Variants in HMGCLL1 observed in about 807,000 individuals in gnomAD.
The protein encoded by HMGCLL1 is 3-hydroxy-3-methylglutaryl-CoA lyase like 1.
Under a neutral mutation model 39.1 loss-of-function variants are expected in HMGCLL1, and 36 were observed. The observed-to-expected ratio is 0.92, with a 90% confidence interval of 0.71 to 1.22. HMGCLL1 has a LOEUF of 1.22. Ranked by LOEUF, HMGCLL1 falls within the 50% of genes most tolerant of loss-of-function variation. The probability of loss-of-function intolerance (pLI) is 0.00; values close to 1 mark genes in which losing one functional copy is unlikely to be tolerated. For missense variants in HMGCLL1, 451 were observed against 416.5 expected, an observed-to-expected ratio of 1.08 and a Z score of -0.72; for synonymous variants, 149 against 144.0, an observed-to-expected ratio of 1.03 and a Z score of -0.25.
At chr6:55,605,703 G>A in the HMGCLL1 span, among the ~76,000 whole-genome samples, 1 of 152,030 alleles carries the variant, frequency 6.6e-6, no homozygotes. Context: ...TTCTAAGATT[G>A]ATGGTTTTCT....
At chr6:55,477,097 C>A (rs1765330262) in intron 7 of HMGCLL1, among the ~76,000 whole-genome samples, 2 of 89,728 alleles carry the variant, frequency 2.2e-5, no homozygotes, top group African/African-American at 4.1e-5. Flanking sequence ...ACATGTACCC[C>A]AGAACTTAGA....
intron 1 of HMGCLL1, among the ~76,000 whole-genome samples, chr6:55,544,040 C>T (rs1769807334): frequency 6.6e-6 from 1 of 152,018 alleles, no homozygotes. Flanking sequence ...TTCTCTAGGT[C>T]ACACAGCACA....
chr6:55,646,337 A>T, the HMGCLL1 span, among the ~76,000 whole-genome samples: 5 of 151,474 alleles, frequency 3.3e-5, no homozygotes, highest in African/African-American at 1.2e-4. Context: ...TCTTTTCAAC[A>T]AACTTTTTAT....
chr6:55,614,302 A>G, the HMGCLL1 span, among the ~76,000 whole-genome samples: 1 of 152,202 alleles, frequency 6.6e-6, no homozygotes, highest in East Asian at 1.9e-4. Flanking sequence ...GGTATTAGTG[A>G]CCTAATAAGA....
intron 7 of HMGCLL1, among the ~76,000 whole-genome samples, chr6:55,452,795 T>C (rs555715018): frequency 6.4e-4 from 98 of 152,336 alleles, no homozygotes; most frequent in African/African-American, 2.2e-3. Flanking sequence ...CTGAGTTGGC[T>C]ACTGTTGCTG....
intron 1 of HMGCLL1, among the ~76,000 whole-genome samples, chr6:55,572,534 C>G (rs1200101677): frequency 6.6e-6 from 1 of 151,668 alleles, no homozygotes; most frequent in African/African-American, 2.4e-5. Flanking sequence ...TTCTTCATAC[C>G]AAAAACCATT....
At chr6:55,664,735 T>C in the HMGCLL1 span, among the ~76,000 whole-genome samples, 1 of 151,790 alleles carries the variant, frequency 6.6e-6, no homozygotes, top group South Asian at 2.1e-4. Context: ...ATTCAATTTG[T>C]TAGTCAGGCT....
At chr6:55,650,076 T>TATATATAC in the HMGCLL1 span, among the ~76,000 whole-genome samples, 33 of 97,062 alleles carry the variant, frequency 3.4e-4, 1 homozygote, top group African/African-American at 1.1e-3. Context: ...TATATATATA[T>TATATATAC]ACACACACAT....
At chr6:55,445,359 A>G (rs182201017) in intron 7 of HMGCLL1, among the ~76,000 whole-genome samples, 11 of 152,152 alleles carry the variant, frequency 7.2e-5, no homozygotes, top group African/African-American at 2.6e-4. Context: ...CTTCACATCT[A>G]CTACCTTATT....
intron 7 of HMGCLL1, among the ~76,000 whole-genome samples, chr6:55,474,138 G>T (rs183033452): frequency 7.7e-4 from 117 of 151,518 alleles, no homozygotes; most frequent in African/African-American, 2.7e-3. Flanking sequence ...CGGATCTATG[G>T]GTTCATGGCT....
intron 1 of HMGCLL1, chr6:55,577,235 G>A: frequency 6.5e-7 from 1 of 1,533,774 alleles, no homozygotes; most frequent in Non-Finnish European, 8.8e-7. Flanking sequence ...ATTACGATAA[G>A]ATAGAAAAAA....
chr6:55,542,099 T>G lies in HMGCLL1; in HGVS notation c.150A>C (p.Ile50=). The G allele has an allele frequency of 6.2e-7, 1 of 1,611,380 alleles. No homozygotes were observed. Among genetic ancestry groups the G allele is most frequent in the Admixed American group, 1.7e-5 (1 of 59,860 alleles). Residue 50 remains isoleucine (I), a synonymous_variant, in exon 2 of 9, where the codon ATA becomes ATC. Coordinates refer to ENST00000274901, the MANE Select transcript of HMGCLL1 (RefSeq NM_001042406.2). ...ATCCATCCCTAGGCCCAACTTCTAC[T>G]ATTTTAACAAACTCAGGGAGTCCAG... ...QLSGLPEFVK[I]VEVGPRDGLQ... is the part of the protein sequence containing the mutation.
chr6:55,516,358 T>C lies in HMGCLL1; in HGVS notation c.393+150A>G, dbSNP rs1444017103. ...ACCACTTTAGTCCCCAACAATGCTG[T>C]GAGGACTTGGAGCTCTATGTCTTCA... On this transcript the variant is annotated intron_variant, in intron 4 of 8. Coordinates refer to ENST00000274901, the MANE Select transcript of HMGCLL1 (RefSeq NM_001042406.2). 8 of 453,764 alleles carry C rather than the reference T, an allele frequency of 1.8e-5. No individual in the cohort carries two copies. In the East Asian group the frequency reaches 2.2e-4, roughly 12 times the overall value. The allele number at this position is 453,764 out of a possible 1,614,324, so 28.1% of individuals were successfully genotyped here. A position where few individuals can be genotyped will look rare whatever the true frequency, so the allele number is the denominator to read the frequency against.
At chr6:55,632,892 T>A in the HMGCLL1 span, among the ~76,000 whole-genome samples, 1 of 152,094 alleles carries the variant, frequency 6.6e-6, no homozygotes, top group Admixed American at 6.6e-5. Flanking sequence ...TTTTATTGAC[T>A]GGCTGGGGAT....
At chr6:55,489,886 C>T (rs1479629202) in intron 7 of HMGCLL1, among the ~76,000 whole-genome samples, 1 of 152,038 alleles carries the variant, frequency 6.6e-6, no homozygotes, top group East Asian at 1.9e-4. Context: ...TCTAGTGTAA[C>T]AGAATTCTTT....
chr6:55,655,114 TTC>T, the HMGCLL1 span, among the ~76,000 whole-genome samples: 1 of 152,018 alleles, frequency 6.6e-6, no homozygotes, highest in Admixed American at 6.6e-5. Context: ...TCATTTGTAT[TTC>T]TCTGTTTCCC....
Position 55,550,991 on chromosome 6 carries a change from T to C in HMGCLL1, c.109-8851A>G, listed in dbSNP as rs138968620. ...AATTAGCTTTGGTTAGCTGCTTCAA[T>C]GTAAAAGTCATGATCCCTTGCCTAG... is the stretch of plus-strand genomic sequence containing the variant. On this transcript the variant is annotated intron_variant, in intron 1 of 8. Transcript: ENST00000274901. Among the ~76,000 whole-genome samples, 554 of 149,662 alleles carry C rather than the reference T, an allele frequency of 3.7e-3. 13 individuals are homozygous for C. The highest frequency in any genetic ancestry group is 0.013 in the African/African-American group (533 of 40,098).
intron 7 of HMGCLL1, among the ~76,000 whole-genome samples, chr6:55,449,813 A>G (rs1466661437): frequency 6.6e-6 from 1 of 152,200 alleles, no homozygotes; most frequent in Non-Finnish European, 1.5e-5. Context: ...CCAGTCACAC[A>G]CAGGGAAGGA....
the HMGCLL1 span, among the ~76,000 whole-genome samples, chr6:55,639,506 T>C: frequency 9.2e-5 from 14 of 151,730 alleles, no homozygotes; most frequent in South Asian, 2.1e-4. Context: ...AAGACAGGCA[T>C]ATTTATTTTT....
Sources: gnomAD v4.1 joint callset for allele counts (sites outside exome capture counted in the v4.1 genomes callset) on GRCh38, gnomAD v4.1.1 for gene constraint, MANE v1.5 for transcripts, NCBI Gene and HGNC (gene_info 2026-07-23, HGNC 2026-07-21) for gene names.